The following MTA3 variants were observed in gnomAD, a reference collection of about 807,000 sequenced individuals.
MTA3 encodes metastasis associated 1 family member 3, also known as metastasis-associated protein MTA3.
A neutral mutation model predicts 83.5 loss-of-function variants in MTA3; 34 were observed. The ratio of observed to expected loss-of-function variants is 0.41; its 90% CI spans 0.31 to 0.54. The LOEUF (loss-of-function observed/expected upper bound fraction) is 0.54, where lower values mean the gene tolerates loss of function less well. MTA3 is among the 20% of genes least tolerant of loss of function. The pLI, the probability that MTA3 is intolerant of heterozygous loss-of-function variation, is 0.33. For synonymous variants in MTA3, 303 were observed against 252.7 expected (o/e 1.20, Z -1.89); for missense variants, 761 against 726.4 (o/e 1.05, Z -0.55).
intron 2 of MTA3, among the ~76,000 whole-genome samples, chr2:42,557,647 T>G (rs1186433118): frequency 1.3e-5 from 2 of 152,148 alleles, no homozygotes; most frequent in African/African-American, 4.8e-5. Context: ...CTCCAAAAAT[T>G]TACAGAGATA....
intron 2 of MTA3, among the ~76,000 whole-genome samples, chr2:42,517,968 C>T (rs147706694): frequency 0.014 from 2,169 of 152,016 alleles, 24 homozygotes; most frequent in Non-Finnish European, 0.021. Context: ...GGCAGATCAC[C>T]TGAGGTCAGG....
intron 3 of MTA3, chr2:42,581,788 C>A (rs190657137): frequency 3.5e-6 from 1 of 287,112 alleles, no homozygotes; most frequent in Non-Finnish European, 6.8e-6. Context: ...TATTTAGAGA[C>A]GGAGTTTCGC....
intron 4 of MTA3, among the ~76,000 whole-genome samples, chr2:42,627,479 C>A (rs1686220833): frequency 1.3e-5 from 2 of 152,136 alleles, no homozygotes; most frequent in Admixed American, 1.3e-4. Context: ...CTTAGTCTTT[C>A]CCTTTGGTCT....
intron 9 of MTA3, chr2:42,682,794 C>T (rs1480221055): frequency 4.4e-5 from 23 of 519,186 alleles, no homozygotes; most frequent in African/African-American, 1.9e-4. Flanking sequence ...GCTATCAGGC[C>T]GGGTACGGTG....
At chr2:42,630,790 T>A (rs1686598537) in intron 4 of MTA3, among the ~76,000 whole-genome samples, 1 of 152,214 alleles carries the variant, frequency 6.6e-6, no homozygotes, top group South Asian at 2.1e-4. Flanking sequence ...AGTATCTTAA[T>A]TTTTATTTTG....
At chr2:42,658,063 C>T (rs1689327315) in intron 7 of MTA3, among the ~76,000 whole-genome samples, 1 of 90,374 alleles carries the variant, frequency 1.1e-5, no homozygotes, top group African/African-American at 5.1e-5. Context: ...CAGAGGAAGA[C>T]TCTGTCTCAA....
At chr2:42,496,868 C>T (rs1674160769) in intron 2 of MTA3, among the ~76,000 whole-genome samples, 1 of 152,194 alleles carries the variant, frequency 6.6e-6, no homozygotes, top group Non-Finnish European at 1.5e-5. Flanking sequence ...CACCACAGAG[C>T]TCTTCCTTCC....
At chr2:42,639,800 C>A (rs1687539244) in intron 4 of MTA3, among the ~76,000 whole-genome samples, 1 of 152,106 alleles carries the variant, frequency 6.6e-6, no homozygotes, top group Non-Finnish European at 1.5e-5. Context: ...CTGAACATCC[C>A]TTTTATAAAA....
intron 4 of MTA3, among the ~76,000 whole-genome samples, chr2:42,624,994 G>T (rs1360388784): frequency 3.9e-5 from 6 of 152,004 alleles, no homozygotes; most frequent in African/African-American, 1.5e-4. Context: ...AAGGATATTT[G>T]ATACACCATT....
chr2:42,701,183 T>G (rs1341510512), intron 11 of MTA3, among the ~76,000 whole-genome samples: 1 of 149,286 alleles, frequency 6.7e-6, no homozygotes, highest in Non-Finnish European at 1.5e-5. Context: ...GTGACTGTAG[T>G]CCCAGCTACT....
rs1430675726 is a variant in MTA3 at position 42,729,086 on chromosome 2, G to GTTTTTTGTTTTTTTTTTTTT, written c.1759+6057_1759+6058insGTTTTTTTTTTTTTTTTTTT. On this transcript the variant is annotated intron_variant, in intron 16 of 16. Transcript: ENST00000405094. ...TTCTTTTATTAGTTTCACAGTTTGA[G>GTTTTTTGTTTTTTTTTTTTT]TTTTTTTTTTTTTTTTTTTTTTTTT... Among the ~76,000 whole-genome samples, 7 of 60,142 alleles carry GTTTTTTGTTTTTTTTTTTTT rather than the reference G, an allele frequency of 1.2e-4. 1 individual carries two copies. Among genetic ancestry groups the GTTTTTTGTTTTTTTTTTTTT allele is most frequent in the Admixed American group, 5.2e-4 (2 of 3,864 alleles). The allele number at this position is 60,142 out of a possible 152,430, so 39.5% of individuals were successfully genotyped here.
chr2:42,636,307 A>C (rs567371021), intron 4 of MTA3, among the ~76,000 whole-genome samples: 1 of 152,256 alleles, frequency 6.6e-6, no homozygotes, highest in East Asian at 1.9e-4. Flanking sequence ...TGGGAGGCCA[A>C]GGTGGGAGGA....
intron 2 of MTA3, among the ~76,000 whole-genome samples, chr2:42,555,710 G>C (rs1183320541): frequency 6.6e-6 from 1 of 152,004 alleles, no homozygotes; most frequent in African/African-American, 2.4e-5. Context: ...GGAGCTTGCA[G>C]TGAGCCAACA....
chr2:42,625,265 C>T (rs1025674681), intron 4 of MTA3, among the ~76,000 whole-genome samples: 3 of 151,046 alleles, frequency 2.0e-5, no homozygotes, highest in South Asian at 4.2e-4. Flanking sequence ...CTCCTGACCT[C>T]AGGTGATCCA....
intron 4 of MTA3, 121 bp from the exon 5 acceptor site, chr2:42,640,052 T>C (rs1187277741): frequency 7.4e-6 from 5 of 674,904 alleles, no homozygotes; most frequent in Non-Finnish European, 1.2e-5. Context: ...TGAAAAAATA[T>C]ATATTCCTAA....
intron 2 of MTA3, among the ~76,000 whole-genome samples, chr2:42,514,621 C>T (rs998814888): frequency 6.7e-6 from 1 of 148,222 alleles, no homozygotes; most frequent in South Asian, 2.2e-4. Context: ...TGACCTCAAG[C>T]GATCTGCCCA....
chr2:42,600,999 C>T (rs1036898713), intron 3 of MTA3, among the ~76,000 whole-genome samples: 7 of 152,034 alleles, frequency 4.6e-5, no homozygotes, highest in African/African-American at 1.2e-4. Flanking sequence ...CTCCGCCTCC[C>T]GGGTTCAGGT....
intron 4 of MTA3, among the ~76,000 whole-genome samples, chr2:42,622,262 C>T (rs541587827): frequency 6.6e-6 from 1 of 152,266 alleles, no homozygotes; most frequent in African/African-American, 2.4e-5. Flanking sequence ...GAAAACCAGT[C>T]AGGCTTGGCG....
At chr2:42,749,016 T>C (rs757880243) in intron 16 of MTA3, among the ~76,000 whole-genome samples, 3 of 152,262 alleles carry the variant, frequency 2.0e-5, no homozygotes, top group Non-Finnish European at 2.9e-5. Context: ...AATTCTGTCT[T>C]CTCAGCACTG....
Sources: allele counts gnomAD v4.1 joint callset (sites outside exome capture counted in the v4.1 genomes callset), GRCh38; gene constraint gnomAD v4.1.1; transcripts MANE v1.5; gene names NCBI Gene and HGNC (gene_info 2026-07-23, HGNC 2026-07-21).